Variants in FRMD4A observed in about 807,000 individuals in gnomAD.
FRMD4A encodes the protein FERM domain containing 4A, also known as FERM domain-containing protein 4A.
A neutral mutation model predicts 129.1 loss-of-function variants in FRMD4A; 29 were observed. That is an observed-to-expected ratio of 0.22 (90% confidence interval 0.17 to 0.31). FRMD4A has a LOEUF of 0.31. FRMD4A is among the 10% of genes least tolerant of loss of function. The pLI, the probability that FRMD4A is intolerant of heterozygous loss-of-function variation, is 1.00. For synonymous variants in FRMD4A, 634 were observed against 571.6 expected (o/e 1.11, Z -1.56); for missense variants, 1,272 against 1,375.8 (o/e 0.92, Z 1.19).
intron 2 of FRMD4A, among the ~76,000 whole-genome samples, chr10:14,276,521 G>C (rs1183957630): frequency 6.6e-6 from 1 of 152,204 alleles, no homozygotes; most frequent in Non-Finnish European, 1.5e-5. Flanking sequence ...GTGGCCTTTT[G>C]GCTCAGGAAC....
At chr10:14,030,159 A>G (rs1833170504) in intron 2 of FRMD4A, among the ~76,000 whole-genome samples, 1 of 152,252 alleles carries the variant, frequency 6.6e-6, no homozygotes, top group Non-Finnish European at 1.5e-5. Flanking sequence ...CGCAGGAGGA[A>G]TAAGTTCTGG....
At chr10:13,850,794 T>C (rs574191661) in intron 3 of FRMD4A, among the ~76,000 whole-genome samples, 85 of 152,364 alleles carry the variant, frequency 5.6e-4, no homozygotes, top group African/African-American at 2.0e-3. Context: ...ATGCTCGAGC[T>C]ACCTATACTT....
intron 2 of FRMD4A, among the ~76,000 whole-genome samples, chr10:14,139,210 G>T (rs939945086): frequency 6.6e-6 from 1 of 152,144 alleles, no homozygotes. Context: ...TCAAATGATG[G>T]TTATAACAAT....
At chr10:14,264,487 T>C (rs905248040) in intron 2 of FRMD4A, among the ~76,000 whole-genome samples, 2 of 152,234 alleles carry the variant, frequency 1.3e-5, no homozygotes, top group Admixed American at 6.5e-5. Context: ...GCCAAAACAA[T>C]GCATTAATTC....
chr10:13,930,257 G>A (rs746902006), intron 2 of FRMD4A, among the ~76,000 whole-genome samples: 2 of 152,248 alleles, frequency 1.3e-5, no homozygotes, highest in African/African-American at 4.8e-5. Context: ...CACTCACTAC[G>A]CCCTGCTTTC....
At chr10:14,252,735 C>T (rs1401365486) in intron 2 of FRMD4A, among the ~76,000 whole-genome samples, 1 of 152,190 alleles carries the variant, frequency 6.6e-6, no homozygotes, top group Non-Finnish European at 1.5e-5. Context: ...TCCTTTCTAA[C>T]AAGAAGTGCC....
Position 14,220,353 on chromosome 10 carries a change from A to G in FRMD4A, c.45+109705T>C, listed in dbSNP as rs138842656. Among the ~76,000 whole-genome samples the G allele has an allele frequency of 4.7e-3, 715 of 152,290 alleles. 7 individuals are homozygous for G. The highest frequency in any genetic ancestry group is 0.017 in the Admixed American group (254 of 15,310). ...TATGACTAATTTGTCATGCTCATTC[A>G]AAGATAAAATTGGCCGTCAACATAA... On this transcript the variant is annotated intron_variant, in intron 2 of 24. Coordinates refer to ENST00000357447, the MANE Select transcript of FRMD4A (RefSeq NM_018027.5).
intron 12 of FRMD4A, among the ~76,000 whole-genome samples, chr10:13,715,439 G>A (rs754825191): frequency 2.0e-5 from 3 of 152,166 alleles, no homozygotes; most frequent in Non-Finnish European, 4.4e-5. Context: ...GGTTTTCAAC[G>A]TCATACTGTC....
At chr10:14,277,429 G>T (rs1845380340) in intron 2 of FRMD4A, among the ~76,000 whole-genome samples, 1 of 152,196 alleles carries the variant, frequency 6.6e-6, no homozygotes, top group South Asian at 2.1e-4. Context: ...ACCCCAGAGA[G>T]CTGCCTCACC....
At chr10:13,981,808 ACTGCAATTTT>A (rs913502671) in intron 2 of FRMD4A, among the ~76,000 whole-genome samples, 1 of 150,594 alleles carries the variant, frequency 6.6e-6, no homozygotes, top group Non-Finnish European at 1.5e-5. Flanking sequence ...TCTCCCTGTG[ACTGCAATTTT>A]CTGTTCTTCC....
chr10:13,684,442 C>G, intron 15 of FRMD4A: 1 of 985,296 alleles, frequency 1.0e-6, no homozygotes, highest in Non-Finnish European at 1.2e-6. Flanking sequence ...TCCCAGCTTC[C>G]AGCCGGGGAA....
At chr10:13,923,811 A>G (rs895060682) in intron 2 of FRMD4A, among the ~76,000 whole-genome samples, 1 of 152,244 alleles carries the variant, frequency 6.6e-6, no homozygotes, top group Admixed American at 6.5e-5. Context: ...GCAAAGAAGC[A>G]TGGTTGAGTC....
intron 15 of FRMD4A, among the ~76,000 whole-genome samples, chr10:13,677,045 T>C (rs2084067648): frequency 6.6e-6 from 1 of 152,232 alleles, no homozygotes; most frequent in Non-Finnish European, 1.5e-5. Flanking sequence ...TTCTGTCCCG[T>C]GGCATCAAAC....
intron 2 of FRMD4A, among the ~76,000 whole-genome samples, chr10:13,951,803 T>A (rs1029604445): frequency 6.6e-6 from 1 of 151,320 alleles, no homozygotes; most frequent in Non-Finnish European, 1.5e-5. Context: ...GGCAGGAGAA[T>A]CCCTTGAACC....
At chr10:14,187,451 A>G (rs1446455244) in intron 2 of FRMD4A, among the ~76,000 whole-genome samples, 2 of 152,204 alleles carry the variant, frequency 1.3e-5, no homozygotes, top group Non-Finnish European at 2.9e-5. Context: ...TTTGTAAATA[A>G]AGGAACAGAG....
chr10:14,326,726 C>T (rs1843291449), intron 2 of FRMD4A: 1 of 397,370 alleles, frequency 2.5e-6, no homozygotes, highest in African/African-American at 2.1e-5. Flanking sequence ...CTAGCATGTT[C>T]CAGCCCTTGC....
At chr10:14,297,123 A>G (rs9651541) in intron 2 of FRMD4A, among the ~76,000 whole-genome samples, 3,875 of 148,770 alleles carry the variant, frequency 0.026, 173 homozygotes, top group African/African-American at 0.091. Flanking sequence ...TTCTTTTCAG[A>G]TGTTCTCTTT....
chr10:13,903,026 C>G (rs564764385), intron 2 of FRMD4A, among the ~76,000 whole-genome samples: 92 of 152,240 alleles, frequency 6.0e-4, no homozygotes, highest in African/African-American at 2.0e-3. Flanking sequence ...TACCTCTTGG[C>G]TTTTACTGTG....
At chr10:13,884,889 C>T (rs2094600291) in intron 2 of FRMD4A, among the ~76,000 whole-genome samples, 1 of 152,210 alleles carries the variant, frequency 6.6e-6, no homozygotes, top group African/African-American at 2.4e-5. Context: ...ACGTATACTA[C>T]TTTCTGTCTA....
Sources: gnomAD v4.1 joint callset for allele counts (sites outside exome capture counted in the v4.1 genomes callset) on GRCh38, gnomAD v4.1.1 for gene constraint, MANE v1.5 for transcripts, NCBI Gene and HGNC (gene_info 2026-07-23, HGNC 2026-07-21) for gene names.